Variants in TMEM229B observed in about 807,000 individuals in gnomAD.
The protein encoded by TMEM229B is chromosome 14 open reading frame 83.
TMEM229B carries 6 observed loss-of-function variants against 13.7 expected under a neutral mutation model. The ratio of observed to expected loss-of-function variants is 0.44; its 90% CI spans 0.24 to 0.86. The LOEUF (loss-of-function observed/expected upper bound fraction) is 0.86, where lower values mean the gene tolerates loss of function less well. Ranked by LOEUF, TMEM229B falls within the 40% of genes least tolerant of loss-of-function variation. TMEM229B has a pLI of 0.23. For missense variants in TMEM229B, 170 were observed against 236.0 expected, an observed-to-expected ratio of 0.72 and a Z score of 1.83; for synonymous variants, 107 against 102.1, an observed-to-expected ratio of 1.05 and a Z score of -0.29.
At chr14:67,525,302 G>A (rs2033349671) in intron 1 of TMEM229B, among the ~76,000 whole-genome samples, 1 of 152,064 alleles carries the variant, frequency 6.6e-6, no homozygotes, top group South Asian at 2.1e-4. Flanking sequence ...TCTAGACATT[G>A]CTTCACTTGA....
chr14:67,522,999 T>A (rs972038906), intron 1 of TMEM229B, among the ~76,000 whole-genome samples: 6 of 152,224 alleles, frequency 3.9e-5, no homozygotes, highest in African/African-American at 1.4e-4. Flanking sequence ...TGCCTAGTAC[T>A]GTGCTGTTTT....
rs548993888 is a variant in TMEM229B at position 67,522,019 on chromosome 14, C to A, written c.-192+11617G>T. Among the ~76,000 whole-genome samples, 122 of 152,066 alleles carry A rather than the reference C, an allele frequency of 8.0e-4. 4 individuals are homozygous for A. In the South Asian group the frequency reaches 0.025, roughly 31 times the overall value. ...GTGAAAGTCGTCTCTACTAAAAATA[C>A]AAAAATTAGCCGGGCATGGTGGAGC... On this transcript the variant is annotated intron_variant, in intron 1 of 2. Coordinates refer to the TMEM229B transcript ENST00000554278.
At position 67,473,423 on chromosome 14, in the gene TMEM229B, G is replaced by A; in HGVS notation, c.501C>T (p.Asp167=). Residue 167 remains aspartate (D), a synonymous_variant, in exon 3 of 3, where the codon GAC becomes GAT. Coordinates refer to ENST00000554480, the MANE Select transcript of TMEM229B (RefSeq NM_001348543.2). The surrounding 1 kb of genome is among the most constrained non-coding windows in gnomAD (Gnocchi z 6.5). The part of the protein sequence containing the change: ...LALANGHVKT[D] ...AGGCCCCCCACCCGCTTCCTGCTCA[G>A]TCAGTCTTGACATGGCCGTTGGCCA... 1 of 1,613,106 alleles carries A rather than the reference G, an allele frequency of 6.2e-7. No individual in the cohort carries two copies. The highest frequency in any genetic ancestry group is 1.1e-5 in the South Asian group (1 of 91,032).
At chr14:67,505,681 C>A (rs1257042490) in intron 1 of TMEM229B, among the ~76,000 whole-genome samples, 1 of 150,832 alleles carries the variant, frequency 6.6e-6, no homozygotes, top group South Asian at 2.1e-4. Flanking sequence ...GAGGAAGGAG[C>A]AATGATCTAG....
chr14:67,505,029 A>G (rs1451456535), intron 1 of TMEM229B, among the ~76,000 whole-genome samples: 3 of 152,210 alleles, frequency 2.0e-5, no homozygotes, highest in Admixed American at 1.3e-4. Flanking sequence ...CAAAGCAGCT[A>G]TAGGAATTAA....
At chr14:67,531,828 A>G (rs1326384147) in intron 1 of TMEM229B, among the ~76,000 whole-genome samples, 2 of 141,990 alleles carry the variant, frequency 1.4e-5, no homozygotes, top group Admixed American at 7.2e-5. Context: ...GGATTGCTTG[A>G]GCCCAGGAGT....
chr14:67,532,502 T>A (rs61988219), intron 1 of TMEM229B, among the ~76,000 whole-genome samples: 12,836 of 152,134 alleles, frequency 0.084, 677 homozygotes, highest in East Asian at 0.13. Flanking sequence ...GATCTGCAAA[T>A]GTCTGAGAAC....
chr14:67,514,198 A>G (rs1262577859), intron 1 of TMEM229B, among the ~76,000 whole-genome samples: 2 of 152,052 alleles, frequency 1.3e-5, no homozygotes, highest in Admixed American at 1.3e-4. Context: ...CTGCCCTCCT[A>G]TCTCCAAGCT....
chr14:67,484,009 T>G (rs1448792178), intron 2 of TMEM229B, among the ~76,000 whole-genome samples: 3 of 152,214 alleles, frequency 2.0e-5, no homozygotes, highest in African/African-American at 7.2e-5. Context: ...ACTGGCAGGC[T>G]GGCATCCCAG....
chr14:67,473,519 G>A lies in TMEM229B; in HGVS notation c.405C>T (p.Ile135=). 6.2e-7 allele frequency: 1 copy of A among 1,614,158 alleles called. No homozygotes were observed. The highest frequency in any genetic ancestry group is 8.5e-7 in the Non-Finnish European group (1 of 1,180,012). The change falls in exon 3 of 3, where the codon ATC becomes ATT. Residue 135 remains isoleucine (I), a synonymous_variant. Coordinates refer to ENST00000554480, the MANE Select transcript of TMEM229B (RefSeq NM_001348543.2). The surrounding 1 kb of genome is among the most constrained non-coding windows in gnomAD (Gnocchi z 6.5). The stretch of plus-strand genomic sequence containing the variant: ...AGCGGAGGCGGAGGGTGTTGCGGAT[G>A]ATGAACTGCTCCATGATGAGGGCCC... The part of the protein sequence containing the change: ...FCGALIMEQF[I]IRNTLRLRFD...
chr14:67,531,347 G>A (rs1022900544), intron 1 of TMEM229B, among the ~76,000 whole-genome samples: 1 of 152,134 alleles, frequency 6.6e-6, no homozygotes, highest in African/African-American at 2.4e-5. Flanking sequence ...AAGTGGAAGA[G>A]ACATAACTGA....
chr14:67,504,923 T>C (rs1180585219), intron 1 of TMEM229B, among the ~76,000 whole-genome samples: 1 of 151,458 alleles, frequency 6.6e-6, no homozygotes, highest in Non-Finnish European at 1.5e-5. Flanking sequence ...AAAAACACAA[T>C]AGAACACTTT....
chr14:67,475,766 G>A (rs184561987), intron 2 of TMEM229B, among the ~76,000 whole-genome samples: 116 of 152,168 alleles, frequency 7.6e-4, no homozygotes, highest in African/African-American at 2.7e-3. Flanking sequence ...AGTCTTCAAC[G>A]CCCGGCTCCC....
chr14:67,518,068 C>T (rs2033234932), upstream of TMEM229B, among the ~76,000 whole-genome samples: 1 of 152,188 alleles, frequency 6.6e-6, no homozygotes, highest in African/African-American at 2.4e-5. Flanking sequence ...GAGGGTGACC[C>T]TGGGTGCAGG....
intron 1 of TMEM229B, among the ~76,000 whole-genome samples, chr14:67,531,955 C>A (rs2033472390): frequency 6.7e-6 from 1 of 148,592 alleles, no homozygotes. Flanking sequence ...TTAATGTCTT[C>A]TTAGCAAAAT....
At chr14:67,512,536 G>A (rs1445487076) in intron 1 of TMEM229B, among the ~76,000 whole-genome samples, 1 of 152,168 alleles carries the variant, frequency 6.6e-6, no homozygotes, top group Non-Finnish European at 1.5e-5. Context: ...GTAGGGAGAT[G>A]GGGGAGGAGA....
At chr14:67,498,979 T>TTTTAATTATTTATTTATTTA (rs2032499855) in intron 1 of TMEM229B, among the ~76,000 whole-genome samples, 1 of 146,510 alleles carries the variant, frequency 6.8e-6, no homozygotes, top group Non-Finnish European at 1.5e-5. Context: ...AAGGCAATGG[T>TTTTAATTATTTATTTATTTA]TTTATTTATT....
chr14:67,528,853 C>T (rs2033405806), intron 1 of TMEM229B, among the ~76,000 whole-genome samples: 1 of 152,210 alleles, frequency 6.6e-6, no homozygotes, highest in Non-Finnish European at 1.5e-5. Context: ...CGTGACAATG[C>T]AGACTCCTGG....
chr14:67,513,463 G>A (rs906628516), intron 1 of TMEM229B, among the ~76,000 whole-genome samples: 4 of 152,156 alleles, frequency 2.6e-5, no homozygotes, highest in African/African-American at 9.7e-5. Context: ...AACCTCCGTT[G>A]CTCCTGTACC....
Sources: allele counts gnomAD v4.1 joint callset (sites outside exome capture counted in the v4.1 genomes callset), GRCh38; gene constraint gnomAD v4.1.1; non-coding constraint Gnocchi (gnomAD v3.1); transcripts MANE v1.5; gene names NCBI Gene and HGNC (gene_info 2026-07-23, HGNC 2026-07-21).